The following DOCK1 variants were observed in gnomAD, a reference collection of about 807,000 sequenced individuals.
DOCK1 encodes dedicator of cytokinesis 1, also known as dedicator of cytokinesis protein 1.
DOCK1 carries 138 observed loss-of-function variants against 262.7 expected under a neutral mutation model. The ratio of observed to expected loss-of-function variants is 0.53; its 90% CI spans 0.46 to 0.61. DOCK1 has a LOEUF of 0.61. Among genes scored for constraint, DOCK1 ranks in the 20% least tolerant of loss-of-function variants. The pLI is 0.00. For missense variants in DOCK1, 1,908 were observed against 2,370.7 expected (o/e 0.80, Z 4.05); for synonymous variants, 866 against 867.4 (o/e 1.00, Z 0.03).
rs780666441 is a variant in DOCK1, at chr10:127,175,564, G to A, written c.2847+47800G>A. ...TCATCTGCCGGGCAGAGTGACCACT[G>A]GCTGGCGGCTGCAGAGTCTGACAAA... On this transcript the variant is annotated intron_variant, in intron 27 of 51. Coordinates refer to ENST00000623213, the MANE Select transcript of DOCK1 (RefSeq NM_001290223.2). The surrounding 1 kb of genome is among the most constrained non-coding windows in gnomAD (Gnocchi z 6.3). The A allele has an allele frequency of 6.2e-7, 1 of 1,611,720 alleles. No homozygotes were observed. The highest frequency in any genetic ancestry group is 8.5e-7 in the Non-Finnish European group (1 of 1,179,916).
chr10:127,439,463 G>A (rs2069928516), intron 49 of DOCK1, among the ~76,000 whole-genome samples: 1 of 152,200 alleles, frequency 6.6e-6, no homozygotes, highest in Non-Finnish European at 1.5e-5. Context: ...CGCAGGGCCT[G>A]GGGCGAGGCC....
intron 27 of DOCK1, among the ~76,000 whole-genome samples, chr10:127,218,193 C>G (rs2058292826): frequency 2.6e-5 from 4 of 152,192 alleles, no homozygotes; most frequent in Admixed American, 2.6e-4. Flanking sequence ...AGAAATACAA[C>G]TATAATTTGA....
chr10:127,342,341 G>A (rs944348174), intron 30 of DOCK1, among the ~76,000 whole-genome samples: 1 of 152,042 alleles, frequency 6.6e-6, no homozygotes, highest in Non-Finnish European at 1.5e-5. Context: ...TCTTTATAAA[G>A]GGGGCTAAAA....
At chr10:127,224,655 G>A (rs1438662222) in intron 27 of DOCK1, among the ~76,000 whole-genome samples, 1 of 151,882 alleles carries the variant, frequency 6.6e-6, no homozygotes, top group African/African-American at 2.4e-5. Flanking sequence ...AGTAGGTTAA[G>A]GCCGTGGTGA....
At chr10:127,145,195 A>G (rs1461858463) in intron 27 of DOCK1, among the ~76,000 whole-genome samples, 1 of 152,092 alleles carries the variant, frequency 6.6e-6, no homozygotes, top group East Asian at 1.9e-4. Context: ...GGCAGGTCAG[A>G]TGCACAGGGG....
At chr10:127,299,132 T>C (rs1314045196) in intron 29 of DOCK1, among the ~76,000 whole-genome samples, 1 of 152,204 alleles carries the variant, frequency 6.6e-6, no homozygotes, top group Non-Finnish European at 1.5e-5. Flanking sequence ...CATGTCTTGC[T>C]CTGTCACTCA....
intron 11 of DOCK1, among the ~76,000 whole-genome samples, chr10:127,010,690 G>A (rs912891486): frequency 1.3e-5 from 2 of 152,184 alleles, no homozygotes; most frequent in Admixed American, 1.3e-4. Context: ...GCAGAATCTG[G>A]AAGTTTCCTT....
At chr10:126,949,176 T>G (rs920299961) in intron 1 of DOCK1, among the ~76,000 whole-genome samples, 137,598 of 152,012 alleles carry the variant, frequency 0.91, 62,499 homozygotes, top group East Asian at 1. Context: ...TCTCCATTGA[T>G]TCCCGAAGGT....
intron 1 of DOCK1, among the ~76,000 whole-genome samples, chr10:126,961,274 A>T (rs1212766598): frequency 4.6e-5 from 7 of 152,144 alleles, no homozygotes; most frequent in Non-Finnish European, 8.8e-5. Context: ...GGTGACTTTG[A>T]AAGTGGTGTC....
chr10:127,154,636 G>A (rs1268390140), intron 27 of DOCK1, among the ~76,000 whole-genome samples: 1 of 152,184 alleles, frequency 6.6e-6, no homozygotes, highest in African/African-American at 2.4e-5. Flanking sequence ...ATGTTAGAAT[G>A]TCTTACTCCC....
intron 1 of DOCK1, among the ~76,000 whole-genome samples, chr10:126,948,813 C>T (rs1312141150): frequency 6.6e-6 from 1 of 152,076 alleles, no homozygotes; most frequent in African/African-American, 2.4e-5. Context: ...TTTCCATCCT[C>T]TCCCTCAAAG....
chr10:126,969,185 T>C (rs943964633), intron 1 of DOCK1, among the ~76,000 whole-genome samples: 4 of 152,224 alleles, frequency 2.6e-5, no homozygotes, highest in African/African-American at 9.6e-5. Flanking sequence ...CACGCAATTC[T>C]ACGAGGTCAG....
chr10:126,981,460 C>A (rs2038971190), intron 3 of DOCK1, among the ~76,000 whole-genome samples: 1 of 152,268 alleles, frequency 6.6e-6, no homozygotes, highest in African/African-American at 2.4e-5. Flanking sequence ...TACCAGAGGG[C>A]CCCCCTGTTG....
At chr10:126,999,465 T>C (rs1428054243) in intron 9 of DOCK1, 30 bp downstream of exon 9, 7 of 1,584,084 alleles carry the variant, frequency 4.4e-6, no homozygotes, top group Non-Finnish European at 6.1e-6. Flanking sequence ...CTTAGTTGAA[T>C]TGGCTACCAT....
intron 13 of DOCK1, 79 bp from the exon 14 acceptor site, chr10:127,023,121 G>C: frequency 6.7e-7 from 1 of 1,487,264 alleles, no homozygotes; most frequent in Non-Finnish European, 9.2e-7. Context: ...TATGAGGATA[G>C]GTAGACAGTC....
At chr10:127,412,859 G>T (rs1227187662) in intron 43 of DOCK1, among the ~76,000 whole-genome samples, 1 of 152,224 alleles carries the variant, frequency 6.6e-6, no homozygotes, top group Admixed American at 6.5e-5. Flanking sequence ...GGTGAAATCT[G>T]CAGTATTGTG....
At chr10:127,168,467 G>A (rs543064445) in intron 27 of DOCK1, among the ~76,000 whole-genome samples, 1 of 152,340 alleles carries the variant, frequency 6.6e-6, no homozygotes, top group African/African-American at 2.4e-5. Context: ...GCTTTTCTGT[G>A]ATGCATCTGG....
chr10:126,919,794 C>T (rs1427163451), intron 1 of DOCK1, among the ~76,000 whole-genome samples: 2 of 152,184 alleles, frequency 1.3e-5, no homozygotes, highest in African/African-American at 4.8e-5. Flanking sequence ...GGAGGGCCCT[C>T]GAGGGTGAGG....
intron 31 of DOCK1, among the ~76,000 whole-genome samples, chr10:127,350,816 C>A (rs917152178): frequency 2.6e-5 from 4 of 152,108 alleles, no homozygotes; most frequent in African/African-American, 7.2e-5. Flanking sequence ...ATCTAAATGA[C>A]CATTGCAACC....
Sources: gnomAD v4.1 joint callset for allele counts (sites outside exome capture counted in the v4.1 genomes callset) on GRCh38, gnomAD v4.1.1 for gene constraint, Gnocchi (gnomAD v3.1) non-coding constraint, MANE v1.5 for transcripts, NCBI Gene and HGNC (gene_info 2026-07-23, HGNC 2026-07-21) for gene names.